Variants in SNX29 observed in about 807,000 individuals in gnomAD.
SNX29 encodes the protein sorting nexin 29.
In SNX29, 78 loss-of-function variants were observed where a neutral mutation model predicts 102.1. The observed-to-expected ratio is 0.76, with a 90% confidence interval of 0.64 to 0.92. The LOEUF (loss-of-function observed/expected upper bound fraction) is 0.92. SNX29 is among the 40% of genes least tolerant of loss of function. SNX29 has a pLI of 0.00. For missense variants in SNX29, 1,280 were observed against 1,061.7 expected (o/e 1.21, Z -2.86); for synonymous variants, 580 against 414.5 (o/e 1.40, Z -4.85).
chr16:12,081,691 A>AAAAAAAAAAAAAAAAAAAAAG (rs1555456660), intron 11 of SNX29: 3 of 88,912 alleles, frequency 3.4e-5, no homozygotes, highest in Non-Finnish European at 6.4e-5. Flanking sequence ...AAAAAAAAAA[A>AAAAAAAAAAAAAAAAAAAAAG]AAAAGAAAAG....
At chr16:12,400,645 G>C (rs1235502895) in intron 17 of SNX29, among the ~76,000 whole-genome samples, 3 of 152,212 alleles carry the variant, frequency 2.0e-5, no homozygotes, top group African/African-American at 7.2e-5. Context: ...ACTCTCCTTA[G>C]ATCCAGTGTT....
chr16:12,359,928 A>T (rs1040408573), intron 16 of SNX29, among the ~76,000 whole-genome samples: 1 of 152,142 alleles, frequency 6.6e-6, no homozygotes, highest in Non-Finnish European at 1.5e-5. Flanking sequence ...GGTTCAAGCA[A>T]TTCTCATGCC....
intron 19 of SNX29, among the ~76,000 whole-genome samples, chr16:12,520,082 T>C (rs1597714514): frequency 6.6e-6 from 1 of 152,230 alleles, no homozygotes; most frequent in Non-Finnish European, 1.5e-5. Context: ...CATGAATTAT[T>C]CTGGGATCTT....
intron 14 of SNX29, among the ~76,000 whole-genome samples, chr16:12,275,531 C>G (rs1161144618): frequency 1.3e-5 from 2 of 152,180 alleles, no homozygotes; most frequent in African/African-American, 2.4e-5. Flanking sequence ...GCTAACAGTT[C>G]ATTAGCGTTT....
rs1044420471 is a variant in SNX29 at position 12,572,606 on chromosome 16, C to A, written c.*3977C>A. Reference sequence around the variant, plus strand: ...TCTGGGCTCCCAGTGAGCCCCCTCCCCTCCGGCTACCCCCAGAATCCATCC... The same window carrying A: ...TCTGGGCTCCCAGTGAGCCCCCTCCACTCCGGCTACCCCCAGAATCCATCC... On this transcript the variant is annotated 3_prime_UTR_variant, in exon 21 of 21. Coordinates refer to ENST00000566228, the MANE Select transcript of SNX29 (RefSeq NM_032167.5). 2.8e-5 allele frequency: 30 copies of A among 1,064,000 alleles called. No homozygotes were observed. In the African/African-American group the frequency reaches 4.6e-4, roughly 16 times the overall value. 65.9% of individuals were successfully genotyped at this position (1,064,000 alleles called of 1,614,324 possible).
At chr16:12,552,000 G>T (rs1281017151) in intron 20 of SNX29, among the ~76,000 whole-genome samples, 2 of 152,212 alleles carry the variant, frequency 1.3e-5, no homozygotes, top group Admixed American at 1.3e-4. Context: ...AGCTCCTGCT[G>T]GTCCCTGTCT....
intron 18 of SNX29, among the ~76,000 whole-genome samples, chr16:12,413,172 A>C (rs1007921169): frequency 6.6e-6 from 1 of 152,144 alleles, no homozygotes; most frequent in African/African-American, 2.4e-5. Flanking sequence ...GGTTCATCTC[A>C]TTAGCTAAGT....
At chr16:12,566,231 C>G (rs542550628) in intron 20 of SNX29, among the ~76,000 whole-genome samples, 5 of 152,326 alleles carry the variant, frequency 3.3e-5, no homozygotes, top group South Asian at 2.1e-4. Context: ...GTTGTCATCC[C>G]CAAATGACAG....
chr16:12,476,446 T>C (rs1364251469), intron 18 of SNX29, among the ~76,000 whole-genome samples: 1 of 78,934 alleles, frequency 1.3e-5, no homozygotes, highest in East Asian at 3.6e-4. Flanking sequence ...ATATATATGA[T>C]GAGAATTGCA....
chr16:12,048,289 C>T (rs934295310), intron 6 of SNX29, 83 bp from the exon 7 acceptor site: 1 of 1,592,568 alleles, frequency 6.3e-7, no homozygotes, highest in African/African-American at 1.3e-5. Flanking sequence ...CTTCTGTACT[C>T]TGTTGTCTGC....
chr16:12,132,938 T>A (rs917341526), intron 13 of SNX29, among the ~76,000 whole-genome samples: 3 of 152,250 alleles, frequency 2.0e-5, no homozygotes, highest in African/African-American at 7.2e-5. Flanking sequence ...CAGAACTTTC[T>A]TCTTGCTTCT....
At chr16:12,396,644 A>C (rs1379219277) in intron 16 of SNX29, among the ~76,000 whole-genome samples, 1 of 152,164 alleles carries the variant, frequency 6.6e-6, no homozygotes, top group Non-Finnish European at 1.5e-5. Flanking sequence ...GTTGTCTAGA[A>C]CGGGGCGTGG....
At chr16:12,519,991 A>C (rs1181732595) in intron 19 of SNX29, among the ~76,000 whole-genome samples, 2 of 150,250 alleles carry the variant, frequency 1.3e-5, no homozygotes, top group African/African-American at 5.0e-5. Flanking sequence ...CCCGCCTGCA[A>C]AAAATAAAAA....
rs2079166552 is a variant in SNX29, at chr16:12,570,586, G to A, written c.*1957G>A. ...TCTCAGGAGTGCCTCCCTGGCCTGG[G>A]TAGCTACCCTGGAGGTCATCTCCCT... On this transcript the variant is annotated 3_prime_UTR_variant, in exon 21 of 21. Transcript: ENST00000566228. The A allele has an allele frequency of 8.6e-6, 2 of 232,108 alleles. No individual in the cohort carries two copies. Among genetic ancestry groups the A allele is most frequent in the East Asian group, 6.1e-5 (1 of 16,442 alleles). The allele number at this position is 232,108 out of a possible 1,614,324, so 14.4% of individuals were successfully genotyped here. A position where few individuals can be genotyped will look rare whatever the true frequency, so the allele number is the denominator to read the frequency against.
At chr16:12,329,696 A>G (rs1248107631) in intron 15 of SNX29, among the ~76,000 whole-genome samples, 1 of 152,094 alleles carries the variant, frequency 6.6e-6, no homozygotes, top group Non-Finnish European at 1.5e-5. Context: ...GCGTTGGCTC[A>G]CAGTTCACTG....
At chr16:12,059,625 G>C (rs950051842) in intron 8 of SNX29, among the ~76,000 whole-genome samples, 1 of 152,182 alleles carries the variant, frequency 6.6e-6, no homozygotes. Flanking sequence ...TCTAAAATAG[G>C]AGCTGGCAAT....
At chr16:12,564,115 G>A (rs1397601883) in intron 20 of SNX29, among the ~76,000 whole-genome samples, 2 of 152,172 alleles carry the variant, frequency 1.3e-5, no homozygotes, top group African/African-American at 4.8e-5. Context: ...TTGATTGGGT[G>A]TGGTGGATCG....
intron 16 of SNX29, among the ~76,000 whole-genome samples, chr16:12,379,703 A>T (rs143164826): frequency 1.3e-5 from 2 of 152,336 alleles, no homozygotes; most frequent in Admixed American, 1.3e-4. Context: ...TTGACAGAAG[A>T]GATGAGAAAT....
chr16:12,229,491 T>G (rs1437402701), intron 14 of SNX29, among the ~76,000 whole-genome samples: 1 of 152,196 alleles, frequency 6.6e-6, no homozygotes, highest in Non-Finnish European at 1.5e-5. Context: ...TTTGCCAATG[T>G]AGAGATACTT....
Sources: gnomAD v4.1 joint callset for allele counts (sites outside exome capture counted in the v4.1 genomes callset) on GRCh38, gnomAD v4.1.1 for gene constraint, MANE v1.5 for transcripts, NCBI Gene and HGNC (gene_info 2026-07-23, HGNC 2026-07-21) for gene names.